EWSR1: variants seen among roughly 807,000 people sequenced by gnomAD.
The protein encoded by EWSR1 is EWS RNA binding protein 1.
EWSR1 carries 14 observed loss-of-function variants against 92.1 expected under a neutral mutation model. The observed-to-expected ratio is 0.15, with a 90% CI of 0.10 to 0.24. EWSR1 has a LOEUF of 0.24. Ranked by LOEUF, EWSR1 falls within the 10% of genes least tolerant of loss-of-function variation. The pLI is 1.00. For missense variants in EWSR1, 637 were observed against 870.9 expected, an observed-to-expected ratio of 0.73 and a Z score of 3.38; for synonymous variants, 303 against 292.9, an observed-to-expected ratio of 1.03 and a Z score of -0.35.
At chr22:29,299,533 CCA>C (rs759699892) in intron 15 of EWSR1, 64 bp from the exon 16 acceptor site, 15 of 1,522,684 alleles carry the variant, frequency 9.9e-6, no homozygotes, top group Non-Finnish European at 1.3e-5. Context: ...AGAGCAGCTT[CCA>C]CAGTGTCCAC....
intron 4 of EWSR1, 87 bp downstream of exon 4, chr22:29,273,951 T>A: frequency 1.9e-6 from 3 of 1,541,768 alleles, no homozygotes; most frequent in Non-Finnish European, 2.6e-6. Context: ...GGATGTATAT[T>A]CTGGTCCATA....
chr22:29,271,255 A>G lies in EWSR1; in HGVS notation c.14-961A>G, dbSNP rs552503457. On this transcript the variant is annotated intron_variant, in intron 1 of 16. Transcript: ENST00000397938. ...GAAAGAATTGGGCAGAATTTTCAAA[A>G]ATAATTACTTTAACTGCCTTTAAAA... 3.3e-5 allele frequency among the ~76,000 whole-genome samples: 5 copies of G among 152,318 alleles called. No individual in the cohort carries two copies. The South Asian group carries it at 6.2e-4, about 19-fold the overall frequency.
intron 5 of EWSR1, among the ~76,000 whole-genome samples, chr22:29,280,709 T>C (rs992451404): frequency 6.6e-6 from 1 of 150,780 alleles, no homozygotes; most frequent in African/African-American, 2.4e-5. Context: ...GTTTTGCTCT[T>C]GTTGTCCAGG....
In EWSR1 at chr22:29,291,688, G is replaced by A. The variant is rs72547473; in HGVS notation, c.1012+89G>A. 326 of 1,293,162 alleles carry A rather than the reference G, an allele frequency of 2.5e-4. 6 individuals are homozygous for A. The South Asian group carries it at 4.2e-3, about 17-fold the overall frequency. 80.1% of individuals were successfully genotyped at this position (1,293,162 alleles called of 1,614,324 possible). A position where few individuals can be genotyped will look rare whatever the true frequency, so the allele number is the denominator to read the frequency against. On this transcript the variant is annotated intron_variant, in intron 9 of 16. Coordinates refer to ENST00000397938, the MANE Select transcript of EWSR1 (RefSeq NM_005243.4). ...TATAATTTTTTTATTAGTTTCATAA[G>A]TGGTTTAAAAATGATCTATACAAAA... is the stretch of plus-strand genomic sequence containing the variant.
Position 29,287,034 on chromosome 22 carries a change from C to T in EWSR1, c.693C>T (p.Ser231=). The change falls in exon 7 of 17, where the codon AGC becomes AGT. Residue 231 remains serine, a synonymous_variant. Transcript: ENST00000397938. ...AGAGTAGCTATGGTCAACAAAGCAGCTATGGGCAGCAGCCTCCCACTAGTT... is the reference window on the plus strand; with the variant it reads ...AGAGTAGCTATGGTCAACAAAGCAGTTATGGGCAGCAGCCTCCCACTAGTT... ...GQQSSYGQQS[S]YGQQPPTSYP... 6.2e-7 allele frequency: 1 copy of T among 1,613,924 alleles called. No homozygotes were observed. Among genetic ancestry groups the T allele is most frequent in the South Asian group, 1.1e-5 (1 of 91,072 alleles).
chr22:29,291,636 A>T (rs1388866838), intron 9 of EWSR1, 37 bp downstream of exon 9: 1 of 1,573,834 alleles, frequency 6.4e-7, no homozygotes, highest in Non-Finnish European at 8.6e-7. Flanking sequence ...AGTGTTTAAA[A>T]AAAAATGCAG....
At chr22:29,282,369 A>C in intron 5 of EWSR1, 21 bp from the exon 6 acceptor site, 2 of 1,516,882 alleles carry the variant, frequency 1.3e-6, no homozygotes, top group Non-Finnish European at 1.8e-6. Context: ...TTTTAATTTT[A>C]TTTATTATTT....
At chr22:29,271,948 G>T (rs1253020324) in intron 1 of EWSR1, among the ~76,000 whole-genome samples, 1 of 152,172 alleles carries the variant, frequency 6.6e-6, no homozygotes, top group Admixed American at 6.6e-5. Context: ...GATGGGTTTT[G>T]TGGTCATGGG....
chr22:29,287,159 A>C, intron 7 of EWSR1, 25 bp downstream of exon 7: 1 of 1,602,996 alleles, frequency 6.2e-7, no homozygotes, highest in Non-Finnish European at 8.5e-7. Flanking sequence ...GAGAAAACCA[A>C]ATAAGAATGA....
intron 4 of EWSR1, among the ~76,000 whole-genome samples, chr22:29,274,731 G>A (rs759269232): frequency 1.7e-4 from 25 of 151,064 alleles, no homozygotes; most frequent in Non-Finnish European, 2.8e-4. Context: ...GGTATGTCTT[G>A]AATATATATA....
chr22:29,275,430 G>C (rs564973279), intron 4 of EWSR1, among the ~76,000 whole-genome samples: 17 of 152,280 alleles, frequency 1.1e-4, no homozygotes, highest in East Asian at 9.6e-4. Context: ...TTCTAGTTTA[G>C]AGACTAGTAG....
At chr22:29,286,609 C>T (rs886658726) in intron 6 of EWSR1, among the ~76,000 whole-genome samples, 16 of 145,450 alleles carry the variant, frequency 1.1e-4, no homozygotes, top group African/African-American at 3.8e-4. Context: ...ATGGCATGAA[C>T]CCGGGAGGCA....
chr22:29,292,520 A>G lies in EWSR1; in HGVS notation c.1078A>G (p.Asn360Asp). 2 of 1,613,840 alleles carry G rather than the reference A, an allele frequency of 1.2e-6. No individual in the cohort carries two copies. Among genetic ancestry groups the G allele is most frequent in the Non-Finnish European group, 1.7e-6 (2 of 1,179,850 alleles). The change falls in exon 11 of 17, where the codon AAC becomes GAC. Residue 360 changes from asparagine (N) to aspartate (D), a missense_variant. This residue lies in a region of EWSR1 where 363 missense variants were observed against 447.8 expected (regional missense o/e 0.81). Transcript: ENST00000397938. ...PPVDPDEDSD[N>D]SAIYVQGLND... Reference sequence around the variant, plus strand: ...TGTAGATCCAGATGAAGACTCTGACAACAGTGCAATTTATGTACAAGGATT... The same window carrying G: ...TGTAGATCCAGATGAAGACTCTGACGACAGTGCAATTTATGTACAAGGATT...
Position 29,300,521 on chromosome 22 carries a change from A to G in EWSR1, c.*360A>G, listed in dbSNP as rs1323938999. ...AATAAAATTCCAAATGTTTATAAAG[A>G]GTCATCCTTCTCGGCCTCTGTTCCA... is the stretch of plus-strand genomic sequence containing the variant. On this transcript the variant is annotated 3_prime_UTR_variant, in exon 17 of 17. Transcript: ENST00000397938. 1 of 208,934 alleles carries G rather than the reference A, an allele frequency of 4.8e-6. No individual in the cohort carries two copies. Among genetic ancestry groups the G allele is most frequent in the Admixed American group, 5.8e-5 (1 of 17,256 alleles). 12.9% of individuals were successfully genotyped at this position (208,934 alleles called of 1,614,324 possible).
At chr22:29,282,027 A>G (rs550340206) in intron 5 of EWSR1, among the ~76,000 whole-genome samples, 3 of 152,342 alleles carry the variant, frequency 2.0e-5, no homozygotes, top group Non-Finnish European at 4.4e-5. Context: ...GTCCCCTTTG[A>G]GAAAAAGCAT....
chr22:29,284,303 A>G (rs2059851498), intron 6 of EWSR1, among the ~76,000 whole-genome samples: 1 of 151,466 alleles, frequency 6.6e-6, no homozygotes, highest in East Asian at 1.9e-4. Context: ...CCCATGTTTA[A>G]TTAGATGTGG....
At chr22:29,297,671 A>G (rs1053848769) in intron 12 of EWSR1, among the ~76,000 whole-genome samples, 156 bp from the exon 13 acceptor site, 1 of 152,098 alleles carries the variant, frequency 6.6e-6, no homozygotes, top group Non-Finnish European at 1.5e-5. Context: ...TGAGACTCCC[A>G]TCTCAAAAAA....
intron 5 of EWSR1, among the ~76,000 whole-genome samples, chr22:29,279,491 TC>T (rs898024317): frequency 6.2e-4 from 94 of 152,376 alleles, no homozygotes; most frequent in African/African-American, 2.2e-3. Flanking sequence ...TGAGCAGAGC[TC>T]ATACCCCATG....
chr22:29,297,876 G>A lies in EWSR1; in HGVS notation c.1344G>A (p.Lys448=), dbSNP rs749508131. 1.7e-5 allele frequency: 27 copies of A among 1,614,112 alleles called. No individual in the cohort carries two copies. The highest frequency in any genetic ancestry group is 1.9e-5 in the Non-Finnish European group (23 of 1,180,002). The part of the protein sequence containing the change: ...SKLKVSLARK[K]PPMNSMRGGL... Reference sequence around the variant, plus strand: ...TTAAAGTCTCCCTTGCTCGGAAGAAGCCTCCAATGAACAGTATGCGGGGTG... The same window carrying A: ...TTAAAGTCTCCCTTGCTCGGAAGAAACCTCCAATGAACAGTATGCGGGGTG... Residue 448 remains lysine (K), a synonymous_variant, in exon 13 of 17, where the codon AAG becomes AAA. Transcript: ENST00000397938.
Sources: allele counts gnomAD v4.1 joint callset (sites outside exome capture counted in the v4.1 genomes callset), GRCh38; gene constraint gnomAD v4.1.1; regional missense constraint gnomAD v4.1.1; transcripts MANE v1.5; gene names NCBI Gene and HGNC (gene_info 2026-07-23, HGNC 2026-07-21).